The following AFF3 variants were observed in gnomAD, a reference collection of about 807,000 sequenced individuals.
AFF3 encodes the protein AF4/FMR2 family member 3.
A neutral mutation model predicts 129.7 loss-of-function variants in AFF3; 32 were observed. The observed-to-expected ratio is 0.25, with a 90% CI of 0.19 to 0.33. The LOEUF (loss-of-function observed/expected upper bound fraction) is 0.33, where lower values mean the gene tolerates loss of function less well. AFF3 is among the 10% of genes least tolerant of loss of function. The pLI, the probability that AFF3 is intolerant of heterozygous loss-of-function variation, is 1.00. For missense variants in AFF3, 1,373 were observed against 1,592.0 expected (o/e 0.86, Z 2.34); for synonymous variants, 644 against 635.4 (o/e 1.01, Z -0.20).
At chr2:99,866,962 CATA>C (rs1191700795) in intron 7 of AFF3, among the ~76,000 whole-genome samples, 51 of 93,894 alleles carry the variant, frequency 5.4e-4, no homozygotes, top group East Asian at 1.3e-3. Flanking sequence ...GGTAACACAG[CATA>C]ATAATAATAA....
intron 7 of AFF3, among the ~76,000 whole-genome samples, chr2:99,885,253 A>G (rs1403993438): frequency 6.6e-6 from 1 of 152,122 alleles, no homozygotes; most frequent in East Asian, 1.9e-4. Context: ...ATTCAAATTC[A>G]TCCACTTTAC....
intron 4 of AFF3, among the ~76,000 whole-genome samples, chr2:100,086,048 T>A (rs1476728089): frequency 6.6e-6 from 1 of 151,892 alleles, no homozygotes; most frequent in East Asian, 1.9e-4. Flanking sequence ...CATCAAGATG[T>A]CAACACTGGA....
intron 7 of AFF3, among the ~76,000 whole-genome samples, chr2:99,915,849 A>G (rs1695439673): frequency 6.6e-6 from 1 of 152,206 alleles, no homozygotes; most frequent in Non-Finnish European, 1.5e-5. Flanking sequence ...TTGAATTGAG[A>G]AGAACCAGCT....
chr2:99,728,680 G>A (rs1003096757), intron 10 of AFF3, among the ~76,000 whole-genome samples: 3 of 152,094 alleles, frequency 2.0e-5, no homozygotes, highest in African/African-American at 7.2e-5. Context: ...CTAAAAGCTG[G>A]TCAGATGAGG....
At chr2:99,707,697 GC>G in intron 11 of AFF3, 1 of 935,046 alleles carries the variant, frequency 1.1e-6, no homozygotes, top group South Asian at 4.9e-5. Context: ...TAGGATGCCT[GC>G]CTTTTTTTTT....
chr2:99,631,538 A>C (rs1488982603), intron 13 of AFF3, among the ~76,000 whole-genome samples: 2 of 152,138 alleles, frequency 1.3e-5, no homozygotes, highest in Non-Finnish European at 2.9e-5. Context: ...GGCAACAACC[A>C]TTCTACCTCC....
At chr2:99,731,047 G>A (rs914608177) in intron 10 of AFF3, among the ~76,000 whole-genome samples, 3 of 151,780 alleles carry the variant, frequency 2.0e-5, no homozygotes, top group Non-Finnish European at 2.9e-5. Flanking sequence ...TCTGCCTCCC[G>A]GGTAATCTCA....
At chr2:100,063,182 C>T (rs1200919942) in intron 4 of AFF3, among the ~76,000 whole-genome samples, 3 of 135,414 alleles carry the variant, frequency 2.2e-5, no homozygotes, top group Admixed American at 8.5e-5. Flanking sequence ...ACCTGGGAGG[C>T]GGAGGTTTCA....
At chr2:99,827,642 G>T (rs559560971) in intron 8 of AFF3, among the ~76,000 whole-genome samples, 5 of 148,042 alleles carry the variant, frequency 3.4e-5, no homozygotes, top group Non-Finnish European at 7.5e-5. Context: ...TAGCACTGAA[G>T]ATATATATAT....
chr2:100,127,879 G>T (rs80133484), intron 2 of AFF3, among the ~76,000 whole-genome samples: 14,956 of 152,240 alleles, frequency 0.098, 810 homozygotes, highest in South Asian at 0.17. Flanking sequence ...TGCATTCCCA[G>T]ACATTTAAGG....
chr2:100,049,494 C>A (rs1686111071), intron 4 of AFF3, among the ~76,000 whole-genome samples: 1 of 152,004 alleles, frequency 6.6e-6, no homozygotes, highest in Non-Finnish European at 1.5e-5. Flanking sequence ...AAAATAACGG[C>A]CATAAGAAAA....
At chr2:99,976,792 G>T (rs1002239407) in intron 7 of AFF3, among the ~76,000 whole-genome samples, 56 of 141,008 alleles carry the variant, frequency 4.0e-4, no homozygotes, top group African/African-American at 1.4e-3. Flanking sequence ...ATTTCTTTTT[G>T]TTCCTGTTTT....
intron 7 of AFF3, among the ~76,000 whole-genome samples, chr2:99,994,154 T>TA (rs2104615691): frequency 6.6e-6 from 1 of 152,184 alleles, no homozygotes; most frequent in East Asian, 1.9e-4. Context: ...AACAAACTGA[T>TA]ACGCAGACTG....
At chr2:99,763,854 T>G (rs1035065778) in intron 8 of AFF3, among the ~76,000 whole-genome samples, 1 of 152,190 alleles carries the variant, frequency 6.6e-6, no homozygotes, top group Non-Finnish European at 1.5e-5. Flanking sequence ...AGAAGGGGAT[T>G]CCTGGGAGCT....
At chr2:99,816,826 C>T (rs1687274109) in intron 8 of AFF3, among the ~76,000 whole-genome samples, 1 of 152,030 alleles carries the variant, frequency 6.6e-6, no homozygotes, top group Non-Finnish European at 1.5e-5. Context: ...CATTCCTGCC[C>T]CTTCCCCATG....
At chr2:99,563,300 C>T (rs1181173680) in intron 20 of AFF3, among the ~76,000 whole-genome samples, 1 of 151,756 alleles carries the variant, frequency 6.6e-6, no homozygotes, top group Non-Finnish European at 1.5e-5. Flanking sequence ...ACGCCATTCT[C>T]CTGCCTCAGC....
intron 10 of AFF3, among the ~76,000 whole-genome samples, chr2:99,739,757 T>C (rs996497883): frequency 6.6e-6 from 1 of 152,094 alleles, no homozygotes; most frequent in Admixed American, 6.5e-5. Context: ...CACACAGATA[T>C]TTTGTTTTTG....
chr2:100,025,211 A>T (rs998264648), intron 4 of AFF3, among the ~76,000 whole-genome samples: 3 of 152,092 alleles, frequency 2.0e-5, no homozygotes, highest in African/African-American at 7.2e-5. Flanking sequence ...TCACTCCCCA[A>T]AAATGAACTA....
chr2:99,733,485 T>C (rs1431901958), intron 10 of AFF3, among the ~76,000 whole-genome samples: 1 of 152,174 alleles, frequency 6.6e-6, no homozygotes, highest in Non-Finnish European at 1.5e-5. Flanking sequence ...GTTCTTAATT[T>C]TAATGTACTC....
Sources: allele counts gnomAD v4.1 joint callset (sites outside exome capture counted in the v4.1 genomes callset), GRCh38; gene constraint gnomAD v4.1.1; transcripts MANE v1.5; gene names NCBI Gene and HGNC (gene_info 2026-07-23, HGNC 2026-07-21).